Variants in ARMC12 observed in about 807,000 individuals in gnomAD.
ARMC12 encodes the protein armadillo repeat containing 12.
ARMC12 carries 25 observed loss-of-function variants against 37.4 expected under a neutral mutation model. The ratio of observed to expected loss-of-function variants is 0.67; its 90% confidence interval spans 0.49 to 0.93. The LOEUF is 0.93. Among genes scored for constraint, ARMC12 ranks in the 40% least tolerant of loss-of-function variants. The probability of loss-of-function intolerance (pLI) is 0.00; values close to 1 mark genes in which losing one functional copy is unlikely to be tolerated. For missense variants in ARMC12, 384 were observed against 426.6 expected, an observed-to-expected ratio of 0.90 and a Z score of 0.88; for synonymous variants, 167 against 176.1, an observed-to-expected ratio of 0.95 and a Z score of 0.41.
rs183984777 is a variant in ARMC12 at position 35,737,561 on chromosome 6, C to T, written c.163+290C>T. ...ATTCCACTTCTTGGAAACTTGGTGTCGGCAGCTCCCCCCATCCCTTTTCTG... is the reference window on the plus strand; with the variant it reads ...ATTCCACTTCTTGGAAACTTGGTGTTGGCAGCTCCCCCCATCCCTTTTCTG... On this transcript the variant is annotated intron_variant, in intron 1 of 5. Transcript: ENST00000373866. 2.0e-5 allele frequency among the ~76,000 whole-genome samples: 3 copies of T among 152,256 alleles called. No individual in the cohort carries two copies. In the South Asian group the frequency reaches 6.2e-4, roughly 32 times the overall value.
At chr6:35,736,374 G>A (rs1766961445), upstream of ARMC12, among the ~76,000 whole-genome samples, 1 of 152,144 alleles carries the variant, frequency 6.6e-6, no homozygotes, top group African/African-American at 2.4e-5. Context: ...GGAGGGCCCG[G>A]AAAGAAAAGG....
At chr6:35,734,440 G>C (rs45586442), upstream of ARMC12, among the ~76,000 whole-genome samples, 18,422 of 152,232 alleles carry the variant, frequency 0.12, 1,531 homozygotes, top group Non-Finnish European at 0.17. Flanking sequence ...GAGACTGCAA[G>C]TGTGAGCTAC....
chr6:35,747,718 C>G, intron 5 of ARMC12, 71 bp downstream of exon 5: 4 of 1,487,056 alleles, frequency 2.7e-6, no homozygotes, highest in Non-Finnish European at 3.7e-6. Flanking sequence ...ATCATGGCAT[C>G]TCCAGACAGA....
intron 3 of ARMC12, among the ~76,000 whole-genome samples, chr6:35,741,503 C>T (rs1767167897): frequency 6.6e-6 from 1 of 152,094 alleles, no homozygotes; most frequent in Non-Finnish European, 1.5e-5. Context: ...CAACCTCTGC[C>T]TCCCAGGTTC....
chr6:35,733,145 C>G (rs1436461422), upstream of ARMC12, among the ~76,000 whole-genome samples: 1 of 151,902 alleles, frequency 6.6e-6, no homozygotes, highest in African/African-American at 2.4e-5. Flanking sequence ...GCACTCCAGC[C>G]CGGGTGACAG....
chr6:35,748,724 C>T lies in ARMC12; in HGVS notation c.877C>T (p.Arg293Ter), dbSNP rs773779105. 1.4e-5 allele frequency: 22 copies of T among 1,614,044 alleles called. No homozygotes were observed. Among genetic ancestry groups the T allele is most frequent in the East Asian group, 2.2e-5 (1 of 44,896 alleles). Residue 293 changes from arginine to a stop codon, truncating the protein, a stop_gained, in exon 6 of 6, where the codon CGA (arginine) becomes TGA (stop). Coordinates refer to ENST00000373866, the MANE Select transcript of ARMC12 (RefSeq NM_001286574.2). LOFTEE classifies it high-confidence loss of function. ...TGGGGAAGAGTCCCGACTGGCAGAC[C>T]GACTACTTGCCCTGGTCATCCACCC... ...LFGEESRLAD[R>*]LLALVIHPEE... is the part of the protein sequence containing the mutation.
chr6:35,738,603 C>T (rs971874826), intron 3 of ARMC12, 85 bp downstream of exon 3: 1 of 1,517,954 alleles, frequency 6.6e-7, no homozygotes, highest in Non-Finnish European at 8.9e-7. Context: ...TGGTCATGTT[C>T]CAGAAGTTTG....
intron 3 of ARMC12, among the ~76,000 whole-genome samples, chr6:35,745,147 T>C (rs1581928877): frequency 6.6e-6 from 1 of 152,232 alleles, no homozygotes; most frequent in Non-Finnish European, 1.5e-5. Context: ...TGAAAACTTA[T>C]ATCTGCACAA....
chr6:35,734,411 C>T (rs1464184636), upstream of ARMC12, among the ~76,000 whole-genome samples: 1 of 152,220 alleles, frequency 6.6e-6, no homozygotes, highest in Non-Finnish European at 1.5e-5. Context: ...ATCCACTCGC[C>T]TCAGCCTCCC....
intron 3 of ARMC12, among the ~76,000 whole-genome samples, chr6:35,743,181 TG>T (rs1174453892): frequency 6.6e-6 from 1 of 151,792 alleles, no homozygotes; most frequent in Middle Eastern, 3.2e-3. Context: ...TGAGGTTACC[TG>T]TCTTTGGTAA....
In ARMC12 at chr6:35,737,152, G is replaced by A. The variant is rs751442157; in HGVS notation, c.44G>A (p.Arg15His). ...CAATACCTGGGGCAACTGGACATCC[G>A]CAAAAGCGTAGTCAGCCTGGCCACA... ...IPQYLGQLDI[R>H]KSVVSLATGA... The change falls in exon 1 of 6, where the codon CGC (arginine) becomes CAC (histidine). Residue 15 changes from arginine to histidine, a missense_variant. Transcript: ENST00000373866. 72 of 1,614,088 alleles carry A rather than the reference G, an allele frequency of 4.5e-5. No individual in the cohort carries two copies. Among genetic ancestry groups the A allele is most frequent in the African/African-American group, 1.3e-5 (1 of 74,946 alleles).
chr6:35,743,869 CAGG>C (rs2151043448), intron 3 of ARMC12, among the ~76,000 whole-genome samples: 1 of 150,032 alleles, frequency 6.7e-6, no homozygotes, highest in East Asian at 2.0e-4. Flanking sequence ...CACTTGAACC[CAGG>C]AGGTGGAGGT....
At chr6:35,731,751 T>G in the ARMC12 span, among the ~76,000 whole-genome samples, 1 of 151,974 alleles carries the variant, frequency 6.6e-6, no homozygotes, top group Non-Finnish European at 1.5e-5. Flanking sequence ...CGGCTCCCAG[T>G]GAGCCCTCTC....
intron 3 of ARMC12, among the ~76,000 whole-genome samples, chr6:35,746,068 T>A (rs538522942): frequency 6.2e-4 from 87 of 140,972 alleles, no homozygotes; most frequent in East Asian, 1.2e-3. Flanking sequence ...AAAATAAAAT[T>A]AAATTAAAAA....
upstream of ARMC12, among the ~76,000 whole-genome samples, chr6:35,736,363 G>A (rs935653055): frequency 1.3e-5 from 2 of 150,970 alleles, no homozygotes; most frequent in South Asian, 2.1e-4. Context: ...GATCACATAT[G>A]GGAGGGCCCG....
upstream of ARMC12, chr6:35,735,124 G>C (rs1357010525): frequency 1.3e-5 from 2 of 152,214 alleles, no homozygotes; most frequent in African/African-American, 2.4e-5. This position sits in a 1 kb window ranked among gnomAD's most constrained non-coding sequence, Gnocchi z 4.0. Flanking sequence ...CCATGGGATG[G>C]AGGGGCCAGT....
intron 3 of ARMC12, 95 bp downstream of exon 3, chr6:35,738,613 G>C: frequency 6.7e-7 from 1 of 1,493,796 alleles, no homozygotes; most frequent in Non-Finnish European, 9.0e-7. Context: ...CCAGAAGTTT[G>C]TTTGGGTGTG....
intron 2 of ARMC12, 100 bp from the exon 3 acceptor site, chr6:35,738,281 AGCG>A: frequency 4.1e-6 from 2 of 485,866 alleles, no homozygotes; most frequent in South Asian, 5.2e-5. Flanking sequence ...TCTGGCTGAT[AGCG>A]GTGGGGGGGG....
intron 1 of ARMC12, 185 bp downstream of exon 1, chr6:35,737,456 G>C (rs1347433363): frequency 6.5e-7 from 1 of 1,533,804 alleles, no homozygotes; most frequent in East Asian, 2.3e-5. Flanking sequence ...TGCTAGCTCA[G>C]GGTCCCTGGA....
Sources: allele counts gnomAD v4.1 joint callset (sites outside exome capture counted in the v4.1 genomes callset), GRCh38; gene constraint gnomAD v4.1.1; non-coding constraint Gnocchi (gnomAD v3.1); transcripts MANE v1.5; gene names NCBI Gene and HGNC (gene_info 2026-07-23, HGNC 2026-07-21).